Variants in SCFD2 observed in about 807,000 individuals in gnomAD.
The protein encoded by SCFD2 is sec1 family domain-containing protein 2.
SCFD2 carries 54 observed loss-of-function variants against 58.9 expected under a neutral mutation model. The observed-to-expected ratio is 0.92, with a 90% CI of 0.74 to 1.15. The LOEUF (loss-of-function observed/expected upper bound fraction) is 1.15, where lower values mean the gene tolerates loss of function less well. SCFD2 is among the 50% of genes most tolerant of loss of function. SCFD2 has a pLI of 0.00. For synonymous variants in SCFD2, 321 were observed against 335.9 expected (o/e 0.96, Z 0.49); for missense variants, 805 against 836.6 (o/e 0.96, Z 0.47).
intron 4 of SCFD2, among the ~76,000 whole-genome samples, chr4:53,250,477 C>T (rs996132156): frequency 6.6e-6 from 1 of 152,122 alleles, no homozygotes; most frequent in Non-Finnish European, 1.5e-5. Context: ...GAACTCTCCA[C>T]CCCAAATCAA....
At chr4:53,151,163 T>C (rs1203276077) in intron 4 of SCFD2, among the ~76,000 whole-genome samples, 1 of 152,208 alleles carries the variant, frequency 6.6e-6, no homozygotes, top group East Asian at 1.9e-4. Flanking sequence ...TGAAATCACA[T>C]CTTGGAACTT....
intron 8 of SCFD2, among the ~76,000 whole-genome samples, chr4:52,876,969 G>A (rs923844743): frequency 5.3e-5 from 8 of 152,064 alleles, no homozygotes; most frequent in Non-Finnish European, 8.8e-5. Context: ...AAGCAAAGAC[G>A]GTGGATTCCT....
rs191324828 is a variant in SCFD2, at chr4:53,211,414, T to C, written c.1311+62412A>G. On this transcript the variant is annotated intron_variant, in intron 4 of 8. Transcript: ENST00000401642. ...GTATCCTTTGTAGTATCTTTTATAA[T>C]AAATTGGTAAACGTGAGTGTTTTCT... Among the ~76,000 whole-genome samples the C allele has an allele frequency of 5.9e-4, 90 of 152,236 alleles. No individual in the cohort carries two copies. In the Middle Eastern group the frequency reaches 0.014, roughly 23 times the overall value.
At chr4:53,353,179 C>G (rs149255895) in intron 1 of SCFD2, among the ~76,000 whole-genome samples, 2 of 152,130 alleles carry the variant, frequency 1.3e-5, no homozygotes, top group African/African-American at 4.8e-5. Flanking sequence ...CTGGTGGGTT[C>G]GTGGTCTCGC....
At chr4:52,995,453 C>T (rs943856340) in intron 5 of SCFD2, among the ~76,000 whole-genome samples, 1 of 152,196 alleles carries the variant, frequency 6.6e-6, no homozygotes. Flanking sequence ...ATTGGGGACC[C>T]TTGCCCTAGA....
intron 4 of SCFD2, among the ~76,000 whole-genome samples, chr4:53,217,675 T>C (rs1158417077): frequency 4.6e-5 from 7 of 152,240 alleles, no homozygotes. Flanking sequence ...GTGAATTTGA[T>C]CCTGTCAGTA....
At chr4:53,042,889 G>C (rs1179647079) in intron 5 of SCFD2, among the ~76,000 whole-genome samples, 1 of 151,940 alleles carries the variant, frequency 6.6e-6, no homozygotes, top group Non-Finnish European at 1.5e-5. Flanking sequence ...GTTTGTCTTG[G>C]GGCAAGGTTG....
At chr4:53,307,483 T>C (rs1441303807) in intron 3 of SCFD2, among the ~76,000 whole-genome samples, 1 of 152,192 alleles carries the variant, frequency 6.6e-6, no homozygotes, top group Non-Finnish European at 1.5e-5. Flanking sequence ...CTTTGTATCC[T>C]TGCTTACTTG....
chr4:53,066,646 C>T (rs1290681330), intron 5 of SCFD2, among the ~76,000 whole-genome samples: 2 of 152,008 alleles, frequency 1.3e-5, no homozygotes, highest in South Asian at 4.1e-4. Context: ...TGGGCCCCCA[C>T]CCAACCAACA....
At position 52,873,912 on chromosome 4, in the gene SCFD2, G is replaced by T; in HGVS notation, c.*57C>A. The T allele has an allele frequency of 8.0e-7, 1 of 1,255,700 alleles. No individual in the cohort carries two copies. The highest frequency in any genetic ancestry group is 1.2e-6 in the Non-Finnish European group (1 of 854,810). The allele number at this position is 1,255,700 out of a possible 1,614,324, so 77.8% of individuals were successfully genotyped here. ...TTGTGGAGGAGTATTTGGAGTGGTG[G>T]CAGAAAATTGCATCGGCATTTCCAG... On this transcript the variant is annotated 3_prime_UTR_variant, in exon 9 of 9. Transcript: ENST00000401642.
chr4:52,923,768 C>A (rs1197236465), intron 5 of SCFD2, among the ~76,000 whole-genome samples: 1 of 152,148 alleles, frequency 6.6e-6, no homozygotes, highest in Non-Finnish European at 1.5e-5. Flanking sequence ...GCCACAGGTA[C>A]AGAGCATGGA....
intron 4 of SCFD2, among the ~76,000 whole-genome samples, chr4:53,210,784 G>A (rs565237657): frequency 6.6e-6 from 1 of 151,954 alleles, no homozygotes; most frequent in Non-Finnish European, 1.5e-5. Flanking sequence ...AATGTGGAAT[G>A]TGTTAGACCT....
chr4:53,205,961 T>A (rs1209202168), intron 4 of SCFD2, among the ~76,000 whole-genome samples: 1 of 152,000 alleles, frequency 6.6e-6, no homozygotes, highest in Non-Finnish European at 1.5e-5. Flanking sequence ...GTAAATATAA[T>A]CATAGAACTT....
At chr4:53,309,724 G>A (rs1339596708) in intron 3 of SCFD2, among the ~76,000 whole-genome samples, 1 of 152,168 alleles carries the variant, frequency 6.6e-6, no homozygotes, top group Non-Finnish European at 1.5e-5. Flanking sequence ...ACATTTCCGA[G>A]AAAGAAAGGA....
chr4:53,330,545 TGA>T (rs752064573), intron 2 of SCFD2, among the ~76,000 whole-genome samples: 4 of 151,972 alleles, frequency 2.6e-5, no homozygotes, highest in Non-Finnish European at 5.9e-5. Flanking sequence ...AAGCAAATGC[TGA>T]GAGATTTTGT....
At chr4:53,038,496 T>C (rs185916757) in intron 5 of SCFD2, among the ~76,000 whole-genome samples, 2 of 152,150 alleles carry the variant, frequency 1.3e-5, no homozygotes, top group African/African-American at 4.8e-5. Context: ...TTTAAACAGT[T>C]TTCATTGTAA....
intron 5 of SCFD2, among the ~76,000 whole-genome samples, chr4:53,092,071 C>T (rs182665971): frequency 3.4e-3 from 523 of 152,120 alleles, no homozygotes; most frequent in Non-Finnish European, 5.8e-3. Flanking sequence ...TAAATCAAAG[C>T]TATATTAGAA....
At chr4:53,299,349 T>C (rs1171434363) in intron 3 of SCFD2, among the ~76,000 whole-genome samples, 2 of 152,128 alleles carry the variant, frequency 1.3e-5, no homozygotes, top group Non-Finnish European at 2.9e-5. Context: ...GTATCAGTGA[T>C]GGAAGATCAA....
chr4:53,044,303 C>T (rs1022821690), intron 5 of SCFD2, among the ~76,000 whole-genome samples: 6 of 152,038 alleles, frequency 3.9e-5, no homozygotes, highest in African/African-American at 1.2e-4. Flanking sequence ...GTCAGATTTA[C>T]ATCACAGCCC....
Sources: gnomAD v4.1 joint callset for allele counts (sites outside exome capture counted in the v4.1 genomes callset) on GRCh38, gnomAD v4.1.1 for gene constraint, MANE v1.5 for transcripts, NCBI Gene and HGNC (gene_info 2026-07-23, HGNC 2026-07-21) for gene names.